TTC6: variants seen among roughly 807,000 people sequenced by gnomAD.
TTC6 encodes the protein tetratricopeptide repeat protein 6.
Under a neutral mutation model 210.4 loss-of-function variants are expected in TTC6, and 172 were observed. That is an observed-to-expected ratio of 0.82 (90% CI 0.72 to 0.93). TTC6 has a LOEUF of 0.93. Ranked by LOEUF, TTC6 falls within the 40% of genes least tolerant of loss-of-function variation. The probability of loss-of-function intolerance (pLI) is 0.00; values close to 1 mark genes in which losing one functional copy is unlikely to be tolerated. For missense variants in TTC6, 2,414 were observed against 2,318.1 expected (o/e 1.04, Z -0.85); for synonymous variants, 804 against 819.6 (o/e 0.98, Z 0.32).
chr14:37,811,666 A>G (rs2096129886), intron 24 of TTC6, among the ~76,000 whole-genome samples: 1 of 152,226 alleles, frequency 6.6e-6, no homozygotes, highest in African/African-American at 2.4e-5. Flanking sequence ...AAAAAAAACC[A>G]AAAAGGTAAA....
intron 24 of TTC6, among the ~76,000 whole-genome samples, chr14:37,809,287 C>G (rs964569580): frequency 8.3e-6 from 1 of 120,360 alleles, no homozygotes; most frequent in South Asian, 2.7e-4. Flanking sequence ...GAGACTCACT[C>G]TGTTGCCCAG....
exon 15 of TTC6, chr14:37,787,487 T>A: frequency 2.0e-6 from 3 of 1,528,080 alleles, no homozygotes; most frequent in Non-Finnish European, 2.6e-6. Flanking sequence ...AGGGATTGCA[T>A]ATGTTAAATG....
At chr14:37,768,780 GA>G (rs2096007657) in intron 14 of TTC6, among the ~76,000 whole-genome samples, 1 of 152,014 alleles carries the variant, frequency 6.6e-6, no homozygotes, top group Admixed American at 6.6e-5. Flanking sequence ...TTTCCTAATT[GA>G]ATACCCTTTA....
chr14:37,711,060 C>T (rs866987543), intron 5 of TTC6, among the ~76,000 whole-genome samples: 1 of 152,094 alleles, frequency 6.6e-6, no homozygotes, highest in Non-Finnish European at 1.5e-5. Context: ...CAATAACTTA[C>T]ATTCCTAACA....
intron 1 of TTC6, among the ~76,000 whole-genome samples, chr14:37,600,264 T>C (rs901403708): frequency 1.3e-5 from 2 of 152,142 alleles, no homozygotes; most frequent in Non-Finnish European, 2.9e-5. Flanking sequence ...GTGCAAGAGC[T>C]GGGAGGCTGG....
In TTC6 at chr14:37,842,148, T is replaced by G; in HGVS notation, c.5525-7T>G. On this transcript the variant is annotated splice_polypyrimidine_tract_variant and splice_region_variant and intron_variant, in intron 30 of 30. Transcript: ENST00000553443. ...TTAAATATATCTTGATTTTTTTTCT[T>G]TTGCAGCCCTGTCTTTGAAGCCTAA... 1 of 1,512,470 alleles carries G rather than the reference T, an allele frequency of 6.6e-7. No individual in the cohort carries two copies. The highest frequency in any genetic ancestry group is 8.8e-7 in the Non-Finnish European group (1 of 1,135,032). 93.7% of individuals were successfully genotyped at this position (1,512,470 alleles called of 1,614,324 possible). A position where few individuals can be genotyped will look rare whatever the true frequency, so the allele number is the denominator to read the frequency against.
intron 14 of TTC6, among the ~76,000 whole-genome samples, chr14:37,760,830 T>C (rs2139100864): frequency 6.6e-6 from 1 of 152,252 alleles, no homozygotes; most frequent in East Asian, 1.9e-4. Context: ...GAAAACCACC[T>C]ACTCAAGCCT....
chr14:37,671,947 T>A (rs1016136993), intron 1 of TTC6, among the ~76,000 whole-genome samples: 1 of 152,140 alleles, frequency 6.6e-6, no homozygotes, highest in Non-Finnish European at 1.5e-5. Flanking sequence ...CCACCATGAT[T>A]GTAAGTTTCC....
intron 3 of TTC6, among the ~76,000 whole-genome samples, chr14:37,692,858 CA>C (rs1279475432): frequency 8.9e-6 from 1 of 112,024 alleles, no homozygotes; most frequent in African/African-American, 3.9e-5. Flanking sequence ...GACTCCATCT[CA>C]AAAATAAATA....
chr14:37,748,590 C>CG (rs1315938078), intron 10 of TTC6, among the ~76,000 whole-genome samples: 3 of 22,066 alleles, frequency 1.4e-4, no homozygotes, highest in African/African-American at 1.5e-4. Flanking sequence ...TCTTGCATGG[C>CG]ATTTTTTTCT....
intron 7 of TTC6, among the ~76,000 whole-genome samples, chr14:37,730,621 T>G (rs565253431): frequency 6.6e-6 from 1 of 152,356 alleles, no homozygotes; most frequent in Non-Finnish European, 1.5e-5. Flanking sequence ...TTTTCCTTAT[T>G]ATATTTTTGA....
intron 1 of TTC6, among the ~76,000 whole-genome samples, chr14:37,658,257 C>T (rs745417766): frequency 3.4e-4 from 51 of 152,152 alleles, no homozygotes; most frequent in African/African-American, 1.2e-3. Flanking sequence ...ATAGGCCAAA[C>T]AAAAACAGGT....
intron 14 of TTC6, among the ~76,000 whole-genome samples, chr14:37,768,032 T>C (rs1012544299): frequency 2.0e-5 from 3 of 150,756 alleles, no homozygotes; most frequent in African/African-American, 7.3e-5. Flanking sequence ...CAGCCAGTTT[T>C]CCCAGCACCA....
chr14:37,787,466 A>C lies in TTC6; in HGVS notation c.3267-2A>C, dbSNP rs1184827755. 6.6e-7 allele frequency: 1 copy of C among 1,508,490 alleles called. No homozygotes were observed. The highest frequency in any genetic ancestry group is 1.4e-5 in the African/African-American group (1 of 72,340). The allele number at this position is 1,508,490 out of a possible 1,614,324, so 93.4% of individuals were successfully genotyped here. The stretch of plus-strand genomic sequence containing the variant: ...TTGTTAAAACAAACTTTTTTTTCCT[A>C]GGACATACCGAGGGATTGCATATGT... On this transcript the variant is annotated splice_acceptor_variant, in intron 14 of 30. Coordinates refer to ENST00000553443, the Ensembl canonical transcript of TTC6. LOFTEE classifies it high-confidence loss of function.
At chr14:37,635,513 G>T (rs1321468908) in intron 1 of TTC6, among the ~76,000 whole-genome samples, 1 of 152,202 alleles carries the variant, frequency 6.6e-6, no homozygotes, top group African/African-American at 2.4e-5. Context: ...TTGGCAGGTG[G>T]TTTAAAAATA....
intron 1 of TTC6, among the ~76,000 whole-genome samples, chr14:37,635,708 G>T (rs767910851): frequency 1.3e-4 from 20 of 152,168 alleles, no homozygotes; most frequent in Non-Finnish European, 2.9e-4. Flanking sequence ...GCTGGGTGCG[G>T]TGGCTCACGC....
At chr14:37,776,561 T>C (rs2096038176) in intron 14 of TTC6, among the ~76,000 whole-genome samples, 1 of 152,172 alleles carries the variant, frequency 6.6e-6, no homozygotes, top group East Asian at 1.9e-4. Context: ...GGATTTTATT[T>C]CTCCTTTACT....
chr14:37,749,810 A>C (rs542729698), exon 12 of TTC6: 2 of 1,439,416 alleles, frequency 1.4e-6, no homozygotes, highest in African/African-American at 1.4e-5. Flanking sequence ...GGATGACTTG[A>C]ATTATATACA....
intron 29 of TTC6, among the ~76,000 whole-genome samples, chr14:37,840,209 C>T (rs894772962): frequency 6.6e-6 from 1 of 152,178 alleles, no homozygotes; most frequent in Non-Finnish European, 1.5e-5. Flanking sequence ...ATACTATAAA[C>T]ACCTCTATGC....
Sources: gnomAD v4.1 joint callset for allele counts (sites outside exome capture counted in the v4.1 genomes callset) on GRCh38, gnomAD v4.1.1 for gene constraint, MANE v1.5 for transcripts, NCBI Gene and HGNC (gene_info 2026-07-23, HGNC 2026-07-21) for gene names.